ANO5: variants seen among roughly 807,000 people sequenced by gnomAD.
ANO5 encodes the protein anoctamin-5.
A neutral mutation model predicts 121.0 loss-of-function variants in ANO5; 109 were observed. The observed-to-expected ratio is 0.90, with a 90% CI of 0.77 to 1.06. ANO5 has a LOEUF of 1.06. ANO5 is among the 50% of genes least tolerant of loss of function. The pLI is 0.00. For synonymous variants in ANO5, 406 were observed against 359.9 expected (o/e 1.13, Z -1.45); for missense variants, 1,064 against 1,078.5 (o/e 0.99, Z 0.19).
At chr11:22,227,219 A>G (rs1015487190) in intron 6 of ANO5, 83 bp from the exon 7 acceptor site, 184 of 1,537,180 alleles carry the variant, frequency 1.2e-4, no homozygotes, top group Non-Finnish European at 1.6e-4. Flanking sequence ...GAGATTTTAT[A>G]AAATATTATC....
rs1337380943 is a variant in ANO5 at position 22,280,437 on chromosome 11, A to G, written c.*672A>G. On this transcript the variant is annotated 3_prime_UTR_variant, in exon 22 of 22. Coordinates refer to ENST00000324559, the MANE Select transcript of ANO5 (RefSeq NM_213599.3). ...TAAAACAACTTGGTTCTTAGAGATA[A>G]TAATTTGGTTATAATAGTTTCAAGA... 2.0e-5 allele frequency: 3 copies of G among 151,858 alleles called. No individual in the cohort carries two copies. The highest frequency in any genetic ancestry group is 7.2e-5 in the African/African-American group (3 of 41,400). The allele number at this position is 151,858 out of a possible 1,614,324, so 9.4% of individuals were successfully genotyped here.
At position 22,270,568 on chromosome 11, in the gene ANO5, G is replaced by C. The variant is rs561945689; in HGVS notation, c.2029+126G>C. The C allele has an allele frequency of 1.3e-5, 18 of 1,372,752 alleles. No individual in the cohort carries two copies. In the South Asian group the frequency reaches 1.7e-4, roughly 13 times the overall value. 85.0% of individuals were successfully genotyped at this position (1,372,752 alleles called of 1,614,324 possible). On this transcript the variant is annotated intron_variant, in intron 18 of 21. Transcript: ENST00000324559. ...AAATCTTTGACTGGTTGGCAAAAAA[G>C]ATGAGTGGAGGGATATAAAGAAAAT...
At chr11:22,268,896 T>TA (rs1248153857) in intron 17 of ANO5, among the ~76,000 whole-genome samples, 1 of 152,068 alleles carries the variant, frequency 6.6e-6, no homozygotes, top group Admixed American at 6.6e-5. Context: ...CACATGCCTT[T>TA]AGTCCCAGCT....
intron 7 of ANO5, among the ~76,000 whole-genome samples, chr11:22,230,192 G>A (rs6483839): frequency 0.13 from 19,082 of 151,648 alleles, 3,453 homozygotes; most frequent in African/African-American, 0.39. Flanking sequence ...CAGCTGTGTC[G>A]GTGAAAAAGC....
At position 22,244,795 on chromosome 11, in the gene ANO5, CCTGGATTA is replaced by C. The variant is rs146149029; in HGVS notation, c.878+5119_878+5126del. 6.7e-3 allele frequency among the ~76,000 whole-genome samples: 1,017 copies of C among 152,104 alleles called. 8 individuals carry two copies. The highest frequency in any genetic ancestry group is 0.023 in the African/African-American group (962 of 41,516). ...AGCTCTTAGATTGTTTTACTGGATT[CCTGGATTA>C]CTGGATTGGGTTTTAACTTTCTCTT... is the stretch of plus-strand genomic sequence containing the variant. On this transcript the variant is annotated intron_variant, in intron 9 of 21. Coordinates refer to ENST00000324559, the MANE Select transcript of ANO5 (RefSeq NM_213599.3).
rs886042702 is a variant in ANO5 at position 22,259,547 on chromosome 11, C to CTGG, written c.1438_1439insGTG (p.Ala479_Val480insGly). The CTGG allele has an allele frequency of 6.2e-7, 1 of 1,614,014 alleles. No individual in the cohort carries two copies. Among genetic ancestry groups the CTGG allele is most frequent in the Non-Finnish European group, 8.5e-7 (1 of 1,180,026 alleles). The stretch of plus-strand genomic sequence containing the variant: ...TCTCTTGTCGTCACCAGTATGGTAG[C>CTGG]TGTAATTGTGTACCGCCTGTCAGTC... On this transcript the variant is annotated inframe_insertion, in exon 15 of 22. Transcript: ENST00000324559.
chr11:22,249,505 A>T (rs1459166893), intron 9 of ANO5, among the ~76,000 whole-genome samples: 2 of 152,162 alleles, frequency 1.3e-5, no homozygotes, highest in Non-Finnish European at 2.9e-5. Context: ...CAACAAGAAA[A>T]CCTGACTTTC....
intron 17 of ANO5, among the ~76,000 whole-genome samples, chr11:22,267,523 TAAA>T (rs1491323687): frequency 1.3e-5 from 2 of 149,740 alleles, no homozygotes; most frequent in African/African-American, 5.0e-5. Flanking sequence ...TATATATATA[TAAA>T]ATCTATCTAC....
At chr11:22,274,192 ACC>A (rs1554934570) in intron 19 of ANO5, among the ~76,000 whole-genome samples, 1 of 146,246 alleles carries the variant, frequency 6.8e-6, no homozygotes, top group African/African-American at 2.7e-5. Flanking sequence ...ACACACACAC[ACC>A]CGCAGTCCTA....
rs767949495 is a variant in ANO5 at position 22,270,390 on chromosome 11, T to G, written c.1977T>G (p.His659Gln). 1 of 1,614,062 alleles carries G rather than the reference T, an allele frequency of 6.2e-7. No homozygotes were observed. The highest frequency in any genetic ancestry group is 1.3e-5 in the African/African-American group (1 of 74,940). Residue 659 changes from histidine (H) to glutamine (Q), a missense_variant, in exon 18 of 22, where the codon CAT becomes CAG. Transcript: ENST00000324559. ...EKLYSRWEQD[H>Q]DLESFGPLGL... ...TGTATAGTCGATGGGAGCAGGATCA[T>G]GACCTTGAAAGTTTTGGACCCCTTG...
chr11:22,250,969 A>T lies in ANO5; in HGVS notation c.1138A>T (p.Asn380Tyr), dbSNP rs1306758618. Residue 380 changes from asparagine to tyrosine, a missense_variant, in exon 12 of 22, where the codon AAT (asparagine) becomes TAT (tyrosine). Coordinates refer to ENST00000324559, the MANE Select transcript of ANO5 (RefSeq NM_213599.3). ...TTTACAGTTCTCCCATTTGTTTGAT[A>T]ATGAGTCAACAGTGTTCTTTGCAAT... The part of the protein sequence containing the change: ...LASKFSHLFD[N>Y]ESTVFFAIFM... The T allele has an allele frequency of 6.2e-7, 1 of 1,612,624 alleles. No homozygotes were observed. The highest frequency in any genetic ancestry group is 8.5e-7 in the Non-Finnish European group (1 of 1,179,454).
chr11:22,223,591 G>A (rs980777812), intron 5 of ANO5, among the ~76,000 whole-genome samples: 5 of 151,924 alleles, frequency 3.3e-5, no homozygotes, highest in African/African-American at 9.7e-5. Flanking sequence ...GGGAGTGGAG[G>A]GAACTCTTCA....
chr11:22,236,943 A>T (rs1486343264), intron 8 of ANO5, among the ~76,000 whole-genome samples: 1 of 152,164 alleles, frequency 6.6e-6, no homozygotes, highest in East Asian at 1.9e-4. Flanking sequence ...TACGTGATTC[A>T]CCTGTTGAAC....
chr11:22,252,029 C>CAAAAAAAAAAAAAAAAAAAAAAAAA (rs10525160), intron 12 of ANO5, among the ~76,000 whole-genome samples: 2 of 45,820 alleles, frequency 4.4e-5, no homozygotes, highest in African/African-American at 1.3e-4. Flanking sequence ...GACGCCGTCT[C>CAAAAAAAAAAAAAAAAAAAAAAAAA]AAAAAAAAAA....
intron 9 of ANO5, among the ~76,000 whole-genome samples, chr11:22,240,408 C>G (rs910230770): frequency 3.9e-5 from 6 of 152,114 alleles, no homozygotes; most frequent in Middle Eastern, 6.8e-3. Context: ...TTTATACTTG[C>G]ATTGCTATGC....
intron 9 of ANO5, among the ~76,000 whole-genome samples, chr11:22,245,214 C>T (rs749329786): frequency 1.9e-4 from 29 of 152,152 alleles, no homozygotes; most frequent in African/African-American, 4.3e-4. Flanking sequence ...GGCTCAGCCT[C>T]GCAGCGCTTC....
At chr11:22,258,836 T>G (rs948482461) in intron 14 of ANO5, among the ~76,000 whole-genome samples, 1 of 152,064 alleles carries the variant, frequency 6.6e-6, no homozygotes, top group Non-Finnish European at 1.5e-5. Flanking sequence ...CTATAACCTT[T>G]AGAAATGCAA....
At chr11:22,262,345 T>C (rs779514297) in intron 16 of ANO5, 47 bp downstream of exon 16, 1 of 1,580,848 alleles carries the variant, frequency 6.3e-7, no homozygotes, top group Non-Finnish European at 8.7e-7. Flanking sequence ...AATACCTCAG[T>C]ATTAACAACT....
At chr11:22,255,587 C>T in intron 13 of ANO5, 65 bp downstream of exon 13, 13 of 1,563,978 alleles carry the variant, frequency 8.3e-6, no homozygotes, top group Non-Finnish European at 9.7e-6. Context: ...GGTTTCTTCT[C>T]ATATAATCAT....
Sources: allele counts gnomAD v4.1 joint callset (sites outside exome capture counted in the v4.1 genomes callset), GRCh38; gene constraint gnomAD v4.1.1; transcripts MANE v1.5; gene names NCBI Gene and HGNC (gene_info 2026-07-23, HGNC 2026-07-21).